SLC24A4: variants seen among roughly 807,000 people sequenced by gnomAD.
SLC24A4 encodes solute carrier family 24 member 4, also known as sodium/potassium/calcium exchanger 4.
In SLC24A4, 53 loss-of-function variants were observed where a neutral mutation model predicts 79.0. That is an observed-to-expected ratio of 0.67 (90% CI 0.54 to 0.84). The LOEUF (loss-of-function observed/expected upper bound fraction) is 0.84. Ranked by LOEUF, SLC24A4 falls within the 40% of genes least tolerant of loss-of-function variation. The pLI is 0.00. For missense variants in SLC24A4, 731 were observed against 822.0 expected (o/e 0.89, Z 1.35); for synonymous variants, 323 against 323.8 (o/e 1.00, Z 0.03).
intron 12 of SLC24A4, among the ~76,000 whole-genome samples, chr14:92,471,446 T>A (rs1325027717): frequency 6.6e-6 from 1 of 152,208 alleles, no homozygotes; most frequent in Non-Finnish European, 1.5e-5. Flanking sequence ...TTAAGATTTT[T>A]AGCTGGGAAC....
chr14:92,496,769 TCTC>T lies in SLC24A4; in HGVS notation c.*3147_*3149del, dbSNP rs1454581869. On this transcript the variant is annotated 3_prime_UTR_variant, in exon 17 of 17. Transcript: ENST00000532405. Reference sequence around the variant, plus strand: ...ATGCCTCTTCCCCTTGTCACTTGTGTCTCCTCCTTATGCACAGAGCTGCCTGCC... The same window carrying T: ...ATGCCTCTTCCCCTTGTCACTTGTGTCTCCTTATGCACAGAGCTGCCTGCC... 1 of 152,114 alleles carries T rather than the reference TCTC, an allele frequency of 6.6e-6. No individual in the cohort carries two copies. The highest frequency in any genetic ancestry group is 1.5e-5 in the Non-Finnish European group (1 of 68,080). The allele number at this position is 152,114 out of a possible 1,614,324, so 9.4% of individuals were successfully genotyped here.
At chr14:92,415,502 G>A (rs530024486) in intron 2 of SLC24A4, among the ~76,000 whole-genome samples, 19 of 152,178 alleles carry the variant, frequency 1.2e-4, no homozygotes, top group African/African-American at 4.6e-4. Flanking sequence ...TTGTCACCCA[G>A]GCTGGAGTGC....
At chr14:92,460,745 A>G (rs1191515365) in intron 12 of SLC24A4, among the ~76,000 whole-genome samples, 1 of 152,142 alleles carries the variant, frequency 6.6e-6, no homozygotes, top group African/African-American at 2.4e-5. Context: ...TTCTTTATAC[A>G]CTGTCTCCCA....
chr14:92,485,623 C>T (rs75503086), intron 13 of SLC24A4, among the ~76,000 whole-genome samples: 3,400 of 151,996 alleles, frequency 0.022, 127 homozygotes, highest in African/African-American at 0.077. Flanking sequence ...AAGGATCCAG[C>T]GATTTCTCTT....
chr14:92,493,440 C>T, intron 16 of SLC24A4, 36 bp from the exon 17 acceptor site: 2 of 1,609,780 alleles, frequency 1.2e-6, no homozygotes, highest in South Asian at 1.1e-5. Context: ...TATTTCTTTG[C>T]CCTGCAAGCC....
At chr14:92,421,017 G>A (rs1177541105) in intron 2 of SLC24A4, among the ~76,000 whole-genome samples, 1 of 152,066 alleles carries the variant, frequency 6.6e-6, no homozygotes, top group African/African-American at 2.4e-5. Flanking sequence ...CTGGAGATGA[G>A]CTCACCTTCA....
chr14:92,483,838 C>T, intron 13 of SLC24A4: 6 of 1,289,830 alleles, frequency 4.7e-6, no homozygotes, highest in Non-Finnish European at 6.1e-6. Flanking sequence ...TTATTCTCCT[C>T]CTAATGCCTG....
At chr14:92,380,756 G>A (rs1888798163) in intron 2 of SLC24A4, among the ~76,000 whole-genome samples, 1 of 152,230 alleles carries the variant, frequency 6.6e-6, no homozygotes, top group Admixed American at 6.5e-5. Context: ...GTGCCCCATG[G>A]CATGGAGGGT....
At chr14:92,380,110 G>A (rs1258185628) in intron 2 of SLC24A4, among the ~76,000 whole-genome samples, 1 of 152,222 alleles carries the variant, frequency 6.6e-6, no homozygotes, top group Non-Finnish European at 1.5e-5. Flanking sequence ...CACAGACACT[G>A]AAGGCAGGAG....
intron 2 of SLC24A4, among the ~76,000 whole-genome samples, chr14:92,364,622 G>T (rs1428886141): frequency 6.6e-6 from 1 of 152,112 alleles, no homozygotes; most frequent in Non-Finnish European, 1.5e-5. Flanking sequence ...TGAGAGCCCC[G>T]TGGTGGGTGG....
intron 2 of SLC24A4, among the ~76,000 whole-genome samples, chr14:92,356,811 C>T (rs7142440): frequency 0.87 from 133,018 of 152,222 alleles, 58,554 homozygotes; most frequent in East Asian, 0.97. Context: ...CTGTTATCCA[C>T]GTGCTGGTCA....
chr14:92,410,445 A>T (rs1890646647), intron 2 of SLC24A4, among the ~76,000 whole-genome samples: 1 of 152,190 alleles, frequency 6.6e-6, no homozygotes, highest in Admixed American at 6.5e-5. Context: ...CTCCCAAAGC[A>T]CTGGGTTTAC....
chr14:92,345,452 G>C (rs928812526), intron 2 of SLC24A4, among the ~76,000 whole-genome samples: 1 of 152,188 alleles, frequency 6.6e-6, no homozygotes, highest in African/African-American at 2.4e-5. Flanking sequence ...TGTAATCCCA[G>C]CACTTTGGGA....
At chr14:92,335,918 C>T (rs796808049) in intron 2 of SLC24A4, among the ~76,000 whole-genome samples, 44 of 152,312 alleles carry the variant, frequency 2.9e-4, no homozygotes, top group African/African-American at 1.0e-3. Context: ...AGAGAATGCC[C>T]TGTCCACGGG....
At chr14:92,339,907 T>A (rs6575248) in intron 2 of SLC24A4, among the ~76,000 whole-genome samples, 149,270 of 152,340 alleles carry the variant, frequency 0.98, 73,194 homozygotes, top group East Asian at 1. Context: ...TTGCAAAGAG[T>A]CTTAGGCAGA....
At position 92,500,511 on chromosome 14, in the gene SLC24A4, GTTGTTC is replaced by G. The variant is rs1156549369; in HGVS notation, c.*6888_*6893del. 1 of 152,256 alleles carries G rather than the reference GTTGTTC, an allele frequency of 6.6e-6. No individual in the cohort carries two copies. Among genetic ancestry groups the G allele is most frequent in the Non-Finnish European group, 1.5e-5 (1 of 68,056 alleles). 9.4% of individuals were successfully genotyped at this position (152,256 alleles called of 1,614,324 possible). ...AAGGCAGCTCTGTTTTTCTAAATAA[GTTGTTC>G]TTGTGAGTTTTTTCTGGCCACTGGG... On this transcript the variant is annotated 3_prime_UTR_variant, in exon 17 of 17. Coordinates refer to ENST00000532405, the MANE Select transcript of SLC24A4 (RefSeq NM_153646.4).
At chr14:92,338,237 C>T (rs1885929125) in intron 2 of SLC24A4, among the ~76,000 whole-genome samples, 3 of 152,222 alleles carry the variant, frequency 2.0e-5, no homozygotes, top group Admixed American at 2.0e-4. Flanking sequence ...CCAAGTTATT[C>T]TGCCTATCTG....
At position 92,339,228 on chromosome 14, in the gene SLC24A4, C is replaced by T. The variant is rs563742235; in HGVS notation, c.241+13250C>T. Among the ~76,000 whole-genome samples, 5 of 152,234 alleles carry T rather than the reference C, an allele frequency of 3.3e-5. No individual in the cohort carries two copies. The East Asian group carries it at 5.8e-4, about 18-fold the overall frequency. The stretch of plus-strand genomic sequence containing the variant: ...GAATCCACAACACTAACCTGTAAGA[C>T]GAGGGGGAGTACACAGGGCTGCGAT... On this transcript the variant is annotated intron_variant, in intron 2 of 16. Coordinates refer to ENST00000532405, the MANE Select transcript of SLC24A4 (RefSeq NM_153646.4).
chr14:92,430,308 C>T (rs1034265274), intron 2 of SLC24A4, among the ~76,000 whole-genome samples: 4 of 152,228 alleles, frequency 2.6e-5, no homozygotes, highest in African/African-American at 9.6e-5. Context: ...TAAATCCATC[C>T]ATTTTGAGAA....
Sources: gnomAD v4.1 joint callset for allele counts (sites outside exome capture counted in the v4.1 genomes callset) on GRCh38, gnomAD v4.1.1 for gene constraint, MANE v1.5 for transcripts, NCBI Gene and HGNC (gene_info 2026-07-23, HGNC 2026-07-21) for gene names.